SLC25A46: variants seen among roughly 807,000 people sequenced by gnomAD.
SLC25A46 encodes the protein mitochondrial outer membrane protein SLC25A46.
SLC25A46 carries 39 observed loss-of-function variants against 44.6 expected under a neutral mutation model. The ratio of observed to expected loss-of-function variants is 0.87; its 90% CI spans 0.68 to 1.14. The LOEUF (loss-of-function observed/expected upper bound fraction) is 1.14. Among genes scored for constraint, SLC25A46 ranks in the 50% most tolerant of loss-of-function variants. The pLI, the probability that SLC25A46 is intolerant of heterozygous loss-of-function variation, is 0.00. For synonymous variants in SLC25A46, 202 were observed against 185.8 expected (o/e 1.09, Z -0.71); for missense variants, 547 against 522.7 (o/e 1.05, Z -0.45).
chr5:110,755,353 C>T (rs1800082357), intron 5 of SLC25A46, 112 bp from the exon 6 acceptor site: 2 of 656,250 alleles, frequency 3.0e-6, no homozygotes, highest in Admixed American at 3.1e-5. Flanking sequence ...ATATATTTCT[C>T]CTACAGATTG....
chr5:110,739,091 C>A lies in SLC25A46; in HGVS notation c.-29C>A. The A allele has an allele frequency of 4.5e-6, 7 of 1,539,378 alleles. No individual in the cohort carries two copies. The highest frequency in any genetic ancestry group is 6.1e-6 in the Non-Finnish European group (7 of 1,145,440). On this transcript the variant is annotated 5_prime_UTR_variant, in exon 1 of 8. Transcript: ENST00000355943. ...GGCCCCGGTGGTGGTGGGCTCCGGGCGGGCTCGCGTCATCCTGCCCCCGCT... is the reference window on the plus strand; with the variant it reads ...GGCCCCGGTGGTGGTGGGCTCCGGGAGGGCTCGCGTCATCCTGCCCCCGCT...
chr5:110,743,111 C>G (rs1005787428), intron 2 of SLC25A46, among the ~76,000 whole-genome samples: 6 of 151,896 alleles, frequency 4.0e-5, no homozygotes, highest in Non-Finnish European at 8.8e-5. Flanking sequence ...AATATGTGTG[C>G]ACATGTATGT....
chr5:110,764,247 A>G lies in SLC25A46; in HGVS notation c.*2465A>G, dbSNP rs1800331508. 6.6e-6 allele frequency: 1 copy of G among 151,844 alleles called. No individual in the cohort carries two copies. The highest frequency in any genetic ancestry group is 2.4e-5 in the African/African-American group (1 of 41,392). 9.4% of individuals were successfully genotyped at this position (151,844 alleles called of 1,614,324 possible). On this transcript the variant is annotated 3_prime_UTR_variant, in exon 8 of 8. Coordinates refer to ENST00000355943, the MANE Select transcript of SLC25A46 (RefSeq NM_138773.4). ...AATTTGAGTCAAGTACACTGAAAGCAATTAAAAACTGGTAAATATTAATTT... is the reference window on the plus strand; with the variant it reads ...AATTTGAGTCAAGTACACTGAAAGCGATTAAAAACTGGTAAATATTAATTT...
chr5:110,763,401 C>T lies in SLC25A46; in HGVS notation c.*1619C>T, dbSNP rs969857658. The T allele has an allele frequency of 6.6e-6, 1 of 151,698 alleles. No homozygotes were observed. The highest frequency in any genetic ancestry group is 2.4e-5 in the African/African-American group (1 of 41,354). 9.4% of individuals were successfully genotyped at this position (151,698 alleles called of 1,614,324 possible). A position where few individuals can be genotyped will look rare whatever the true frequency, so the allele number is the denominator to read the frequency against. ...TCTCGTGTGTGTGTGTGTGTAGTTA[C>T]TGAAACACCTACATTTTCCATTTTT... On this transcript the variant is annotated 3_prime_UTR_variant, in exon 8 of 8. Transcript: ENST00000355943.
chr5:110,745,315 A>T (rs939233172), intron 3 of SLC25A46, among the ~76,000 whole-genome samples: 1 of 151,876 alleles, frequency 6.6e-6, no homozygotes, highest in African/African-American at 2.4e-5. Context: ...GTGCAGTGGC[A>T]TGATCTCGGC....
At chr5:110,752,386 G>A (rs1799987837) in intron 5 of SLC25A46, among the ~76,000 whole-genome samples, 1 of 152,072 alleles carries the variant, frequency 6.6e-6, no homozygotes, top group Admixed American at 6.6e-5. Context: ...TACCCCCACA[G>A]TACCCTTTAC....
chr5:110,743,673 T>G, intron 2 of SLC25A46, 57 bp from the exon 3 acceptor site: 1 of 979,406 alleles, frequency 1.0e-6, no homozygotes, highest in Non-Finnish European at 1.5e-6. Flanking sequence ...AGATACCTGT[T>G]GTAAATTTAA....
chr5:110,758,560 C>T (rs1261482451), intron 7 of SLC25A46, among the ~76,000 whole-genome samples: 3 of 151,794 alleles, frequency 2.0e-5, no homozygotes, highest in Admixed American at 1.3e-4. Flanking sequence ...CCTAGGTGGG[C>T]GGATCATGAG....
intron 7 of SLC25A46, among the ~76,000 whole-genome samples, chr5:110,759,993 C>T (rs1307931612): frequency 6.6e-6 from 1 of 152,122 alleles, no homozygotes; most frequent in African/African-American, 2.4e-5. Flanking sequence ...GTTGAGACAT[C>T]GTAAGTTGGA....
Position 110,764,508 on chromosome 5 carries a change from A to C in SLC25A46, c.*2726A>C, listed in dbSNP as rs1261818800. ...AGCTGGTGTTTTCAGAAGCATACAG[A>C]ACTGGAAAGGTAAGAACTTGCTTAC... On this transcript the variant is annotated 3_prime_UTR_variant, in exon 8 of 8. Transcript: ENST00000355943. The C allele has an allele frequency of 6.6e-6, 1 of 151,924 alleles. No individual in the cohort carries two copies. The highest frequency in any genetic ancestry group is 1.5e-5 in the Non-Finnish European group (1 of 67,898). The allele number at this position is 151,924 out of a possible 1,614,324, so 9.4% of individuals were successfully genotyped here. A position where few individuals can be genotyped will look rare whatever the true frequency, so the allele number is the denominator to read the frequency against.
At chr5:110,747,024 G>T (rs1232319229) in intron 4 of SLC25A46, among the ~76,000 whole-genome samples, 2 of 152,130 alleles carry the variant, frequency 1.3e-5, no homozygotes, top group Non-Finnish European at 2.9e-5. Context: ...ACTGTTGAAG[G>T]TGTTTTAGCC....
intron 5 of SLC25A46, among the ~76,000 whole-genome samples, chr5:110,750,306 G>A (rs1799933444): frequency 1.3e-5 from 2 of 151,398 alleles, no homozygotes; most frequent in Non-Finnish European, 2.9e-5. Context: ...TCACTTTATT[G>A]CTTTTATATC....
At chr5:110,738,196 C>A, upstream of SLC25A46, 1 of 1,280,852 alleles carries the variant, frequency 7.8e-7, no homozygotes. Flanking sequence ...AAGTCTTCCT[C>A]AGATCTGGGG....
intron 6 of SLC25A46, 42 bp from the exon 7 acceptor site, chr5:110,756,660 T>A: frequency 7.4e-7 from 1 of 1,360,160 alleles, no homozygotes; most frequent in South Asian, 1.4e-5. Flanking sequence ...AGTATAAGCA[T>A]CTTGTTTCAG....
chr5:110,749,069 G>C (rs1327663008), intron 5 of SLC25A46, among the ~76,000 whole-genome samples: 1 of 152,140 alleles, frequency 6.6e-6, no homozygotes. Flanking sequence ...AAAGGGATGA[G>C]CTGGCTAGAC....
intron 1 of SLC25A46, 137 bp downstream of exon 1, chr5:110,739,539 C>T: frequency 8.1e-7 from 1 of 1,228,520 alleles, no homozygotes; most frequent in Middle Eastern, 2.9e-4. Context: ...CCTTTGCCCT[C>T]CTTTGGTCCT....
At chr5:110,756,577 G>T in intron 6 of SLC25A46, 125 bp from the exon 7 acceptor site, 1 of 598,982 alleles carries the variant, frequency 1.7e-6, no homozygotes, top group Non-Finnish European at 2.8e-6. Flanking sequence ...ATTAATAGTT[G>T]AAAACCTTAA....
chr5:110,739,931 T>TA (rs531981056), intron 1 of SLC25A46, among the ~76,000 whole-genome samples: 13,114 of 146,232 alleles, frequency 0.09, 572 homozygotes, highest in Admixed American at 0.13. Context: ...ACACATAGGC[T>TA]AAAAAAAAAA....
intron 1 of SLC25A46, chr5:110,741,551 C>T (rs946234479): frequency 6.6e-6 from 1 of 152,408 alleles, no homozygotes; most frequent in Non-Finnish European, 1.5e-5. Flanking sequence ...GAGGTAAAGT[C>T]GCAGGTGGAA....
Sources: gnomAD v4.1 joint callset for allele counts (sites outside exome capture counted in the v4.1 genomes callset) on GRCh38, gnomAD v4.1.1 for gene constraint, MANE v1.5 for transcripts, NCBI Gene and HGNC (gene_info 2026-07-23, HGNC 2026-07-21) for gene names.